Variants in TMEM87B observed in about 807,000 individuals in gnomAD.
TMEM87B encodes the protein transmembrane protein 87B.
In TMEM87B, 83 loss-of-function variants were observed where a neutral mutation model predicts 80.3. The ratio of observed to expected loss-of-function variants is 1.03; its 90% confidence interval spans 0.87 to 1.24. The LOEUF is 1.24. Among genes scored for constraint, TMEM87B ranks in the 50% most tolerant of loss-of-function variants. The pLI, the probability that TMEM87B is intolerant of heterozygous loss-of-function variation, is 0.00. For synonymous variants in TMEM87B, 219 were observed against 230.5 expected (o/e 0.95, Z 0.45); for missense variants, 625 against 674.4 (o/e 0.93, Z 0.81).
At chr2:112,062,465 A>G (rs1678287071) in intron 2 of TMEM87B, among the ~76,000 whole-genome samples, 1 of 152,260 alleles carries the variant, frequency 6.6e-6, no homozygotes, top group Non-Finnish European at 1.5e-5. Context: ...AGTTAGAAAT[A>G]GAAGGAAACT....
At chr2:112,088,877 A>G (rs896611651) in intron 9 of TMEM87B, among the ~76,000 whole-genome samples, 5 of 151,748 alleles carry the variant, frequency 3.3e-5, no homozygotes, top group East Asian at 1.9e-4. Context: ...TCGTGCCTCA[A>G]CCTCCCAAGT....
chr2:112,091,611 G>A (rs1349073400), intron 10 of TMEM87B, 101 bp from the exon 11 acceptor site: 5 of 805,970 alleles, frequency 6.2e-6, no homozygotes, highest in Non-Finnish European at 1.0e-5. Flanking sequence ...GCTTTGTAAA[G>A]TAATGAGATA....
chr2:112,099,394 A>T (rs1215322059), intron 14 of TMEM87B, among the ~76,000 whole-genome samples: 2 of 152,002 alleles, frequency 1.3e-5, no homozygotes, highest in East Asian at 1.9e-4. Flanking sequence ...ACTGGTAGGG[A>T]TAATGCAAAT....
chr2:112,092,590 A>G (rs1293869180), intron 11 of TMEM87B, among the ~76,000 whole-genome samples: 4 of 152,200 alleles, frequency 2.6e-5, no homozygotes, highest in Non-Finnish European at 5.9e-5. Context: ...TGGTCGAAAG[A>G]AGAGATGGTG....
intron 10 of TMEM87B, among the ~76,000 whole-genome samples, chr2:112,091,221 C>T (rs1221514820): frequency 7.2e-6 from 1 of 139,392 alleles, no homozygotes; most frequent in African/African-American, 2.7e-5. Context: ...GCCTGGGCAA[C>T]AAGAGCAAAA....
At chr2:112,080,943 CA>C in intron 6 of TMEM87B, 113 bp from the exon 7 acceptor site, 1 of 875,418 alleles carries the variant, frequency 1.1e-6, no homozygotes, top group Non-Finnish European at 1.8e-6. Flanking sequence ...GTGCTACATA[CA>C]AATTCAGCAT....
intron 1 of TMEM87B, among the ~76,000 whole-genome samples, chr2:112,056,750 G>T (rs1474175055): frequency 2.0e-5 from 3 of 152,228 alleles, no homozygotes; most frequent in East Asian, 1.9e-4. Flanking sequence ...GAACACGCTG[G>T]GTATCTTTCT....
At chr2:112,073,361 C>G (rs1678715642) in intron 4 of TMEM87B, among the ~76,000 whole-genome samples, 2 of 152,114 alleles carry the variant, frequency 1.3e-5, no homozygotes, top group Non-Finnish European at 2.9e-5. Context: ...TCATTATTCA[C>G]CCAAAAGTCA....
chr2:112,076,062 T>C (rs1678801988), intron 5 of TMEM87B, among the ~76,000 whole-genome samples: 1 of 152,104 alleles, frequency 6.6e-6, no homozygotes, highest in African/African-American at 2.4e-5. Context: ...GACAATGTTA[T>C]CTAACTTCCT....
chr2:112,083,133 C>T (rs912927679), intron 8 of TMEM87B, among the ~76,000 whole-genome samples: 2 of 152,100 alleles, frequency 1.3e-5, no homozygotes, highest in Admixed American at 1.3e-4. Flanking sequence ...TGTTAGGACC[C>T]GACGTGGGTA....
chr2:112,118,282 AG>A lies in TMEM87B; in HGVS notation c.*2141del, dbSNP rs1680076475. On this transcript the variant is annotated 3_prime_UTR_variant, in exon 19 of 19. Coordinates refer to ENST00000283206, the MANE Select transcript of TMEM87B (RefSeq NM_032824.3). ...AGTGCCATAGCTGTAGTTCACAGGA[AG>A]GACACCAGGAGAAGTTATACCTAGG... is the stretch of plus-strand genomic sequence containing the variant. 6.6e-6 allele frequency: 1 copy of A among 152,156 alleles called. No individual in the cohort carries two copies. The highest frequency in any genetic ancestry group is 2.4e-5 in the African/African-American group (1 of 41,424). The allele number at this position is 152,156 out of a possible 1,614,324, so 9.4% of individuals were successfully genotyped here.
At chr2:112,061,525 G>A (rs571101266) in intron 2 of TMEM87B, among the ~76,000 whole-genome samples, 13 of 152,276 alleles carry the variant, frequency 8.5e-5, no homozygotes, top group Non-Finnish European at 1.6e-4. Context: ...TAAGAGCTTG[G>A]TAAGAGGAAA....
At chr2:112,075,241 A>AAT (rs1678772646) in intron 5 of TMEM87B, among the ~76,000 whole-genome samples, 1 of 152,230 alleles carries the variant, frequency 6.6e-6, no homozygotes, top group African/African-American at 2.4e-5. Flanking sequence ...CTCTACTAAA[A>AAT]ATACAAAAAT....
chr2:112,109,491 A>G (rs2104506875), intron 17 of TMEM87B, among the ~76,000 whole-genome samples: 1 of 152,212 alleles, frequency 6.6e-6, no homozygotes, highest in South Asian at 2.1e-4. Flanking sequence ...TTGTTTGAGC[A>G]CTTCCAACAT....
At chr2:112,056,810 T>C (rs1312078965) in intron 1 of TMEM87B, among the ~76,000 whole-genome samples, 5 of 152,232 alleles carry the variant, frequency 3.3e-5, no homozygotes, top group African/African-American at 9.6e-5. Context: ...TGGATTCTTC[T>C]GGGTTGGTGA....
At chr2:112,077,143 A>C in intron 5 of TMEM87B, 49 bp from the exon 6 acceptor site, 1 of 985,860 alleles carries the variant, frequency 1.0e-6, no homozygotes, top group East Asian at 2.5e-5. Context: ...GCTATATTAC[A>C]TAGCAATTTG....
At chr2:112,102,042 G>A (rs1187775919) in intron 15 of TMEM87B, among the ~76,000 whole-genome samples, 1 of 152,046 alleles carries the variant, frequency 6.6e-6, no homozygotes, top group African/African-American at 2.4e-5. Context: ...GAAGTACCAG[G>A]CCCAAATGAT....
chr2:112,077,226 A>G lies in TMEM87B; in HGVS notation c.536A>G (p.His179Arg), dbSNP rs768058066. Residue 179 changes from histidine to arginine, a missense_variant, in exon 6 of 19, where the codon CAT becomes CGT. Physicochemically the swap from His to Arg is conservative, Grantham distance 29 (BLOSUM62 0). Coordinates refer to ENST00000283206, the MANE Select transcript of TMEM87B (RefSeq NM_032824.3). ...GCCAGAACACAAAAAGATGGGTTTC[A>G]TATCTTTATTGTTTCTATTAAAACG... ...VVARTQKDGF[H>R]IFIVSIKTEN... 1.3e-5 allele frequency: 20 copies of G among 1,596,774 alleles called. No homozygotes were observed. In the East Asian group the frequency reaches 4.3e-4, roughly 34 times the overall value.
chr2:112,075,468 A>G (rs931081117), intron 5 of TMEM87B, among the ~76,000 whole-genome samples: 3 of 152,238 alleles, frequency 2.0e-5, no homozygotes, highest in Non-Finnish European at 4.4e-5. Context: ...GTCTAAAAAT[A>G]TCCTTAAAGC....
Sources: allele counts gnomAD v4.1 joint callset (sites outside exome capture counted in the v4.1 genomes callset), GRCh38; gene constraint gnomAD v4.1.1; transcripts MANE v1.5; gene names NCBI Gene and HGNC (gene_info 2026-07-23, HGNC 2026-07-21).